FAF1: variants seen among roughly 807,000 people sequenced by gnomAD.
FAF1 encodes FAS-associated factor 1.
A neutral mutation model predicts 92.5 loss-of-function variants in FAF1; 25 were observed. That is an observed-to-expected ratio of 0.27 (90% CI 0.20 to 0.38). The LOEUF is 0.38. Ranked by LOEUF, FAF1 falls within the 10% of genes least tolerant of loss-of-function variation. The pLI is 1.00. For synonymous variants in FAF1, 234 were observed against 273.2 expected (o/e 0.86, Z 1.42); for missense variants, 636 against 793.3 (o/e 0.80, Z 2.38).
At chr1:50,680,831 T>G (rs749334647) in intron 7 of FAF1, among the ~76,000 whole-genome samples, 12 of 152,182 alleles carry the variant, frequency 7.9e-5, no homozygotes, top group Admixed American at 6.5e-5. Context: ...TCGAGAGTTT[T>G]CATCTGTTTC....
Position 50,836,170 on chromosome 1 carries a change from G to GTTTTTTTTTTTTTTTTTTT in FAF1, c.114+21740_114+21758dup, listed in dbSNP as rs36053491. Among the ~76,000 whole-genome samples, 69 of 98,498 alleles carry GTTTTTTTTTTTTTTTTTTT rather than the reference G, an allele frequency of 7.0e-4. 6 individuals carry two copies. The highest frequency in any genetic ancestry group is 7.1e-3 in the Middle Eastern group (1 of 140). 64.6% of individuals were successfully genotyped at this position (98,498 alleles called of 152,430 possible). ...GTGTGTGTTTTTGTTTTTTGTTTCT[G>GTTTTTTTTTTTTTTTTTTT]TTTTTTTTTTTTTTTTTTTAGACAG... On this transcript the variant is annotated intron_variant, in intron 2 of 18. Transcript: ENST00000396153.
At chr1:50,640,784 A>G (rs1289595349) in intron 8 of FAF1, among the ~76,000 whole-genome samples, 5 of 142,006 alleles carry the variant, frequency 3.5e-5, no homozygotes, top group Admixed American at 1.4e-4. Flanking sequence ...ATTCATATCT[A>G]GTCTCTTTTT....
chr1:50,760,877 C>CA (rs1215182165), intron 4 of FAF1, among the ~76,000 whole-genome samples: 2 of 151,846 alleles, frequency 1.3e-5, no homozygotes, highest in African/African-American at 4.8e-5. Flanking sequence ...AAAAACCCTT[C>CA]AAAAAATTAA....
At chr1:50,503,375 CT>C (rs1039908806) in intron 15 of FAF1, among the ~76,000 whole-genome samples, 1 of 152,016 alleles carries the variant, frequency 6.6e-6, no homozygotes, top group East Asian at 1.9e-4. Flanking sequence ...AATCTCAGCA[CT>C]TTGGGAGGCA....
rs201947438 is a variant in FAF1 at position 50,682,008 on chromosome 1, A to AT, written c.657+23777dup. ...ACCACCATGCCTGGCTAATTTTTGT[A>AT]TTTTTTTGTAGAGTCAGGGTCTCAC... On this transcript the variant is annotated intron_variant, in intron 7 of 18. Transcript: ENST00000396153. 3.2e-4 allele frequency among the ~76,000 whole-genome samples: 48 copies of AT among 150,754 alleles called. 2 individuals are homozygous for AT. The East Asian group carries it at 8.7e-3, about 27-fold the overall frequency.
At position 50,535,265 on chromosome 1, in the gene FAF1, C is replaced by T. The variant is rs370467557; in HGVS notation, c.1494+104G>A. ...GGTAAATTTGGAAATGCATCTTCAT[C>T]ATCCTTATTTATCGATCATATCATA... On this transcript the variant is annotated intron_variant, in intron 15 of 18. Coordinates refer to ENST00000396153, the MANE Select transcript of FAF1 (RefSeq NM_007051.3). The T allele has an allele frequency of 9.4e-6, 7 of 747,872 alleles. No homozygotes were observed. The African/African-American group carries it at 1.2e-4, about 13-fold the overall frequency. 46.3% of individuals were successfully genotyped at this position (747,872 alleles called of 1,614,324 possible). A position where few individuals can be genotyped will look rare whatever the true frequency, so the allele number is the denominator to read the frequency against.
chr1:50,696,649 T>G (rs1025407572), intron 7 of FAF1, among the ~76,000 whole-genome samples: 1 of 152,216 alleles, frequency 6.6e-6, no homozygotes, highest in Non-Finnish European at 1.5e-5. Context: ...ACTAAAACTG[T>G]ACTGGCATTT....
At chr1:50,458,977 C>CT (rs369055144) in intron 18 of FAF1, among the ~76,000 whole-genome samples, 2,018 of 138,364 alleles carry the variant, frequency 0.015, 17 homozygotes, top group South Asian at 0.024. Flanking sequence ...TTTTTTTTTT[C>CT]TTTTTTTTTT....
intron 18 of FAF1, among the ~76,000 whole-genome samples, chr1:50,465,007 A>G (rs1646477481): frequency 6.6e-6 from 1 of 152,206 alleles, no homozygotes; most frequent in African/African-American, 2.4e-5. Flanking sequence ...TATTTCTATC[A>G]TCTCATTTTA....
intron 1 of FAF1, among the ~76,000 whole-genome samples, chr1:50,956,292 A>C (rs912460880): frequency 6.6e-5 from 10 of 152,150 alleles, no homozygotes; most frequent in African/African-American, 2.2e-4. Flanking sequence ...TCTGAGCTGT[A>C]ATCTTCCACC....
intron 6 of FAF1, among the ~76,000 whole-genome samples, chr1:50,713,253 A>ATGAAACAGTTAG (rs545270205): frequency 1.4e-5 from 1 of 70,480 alleles, no homozygotes; most frequent in Non-Finnish European, 2.9e-5. Context: ...GAAACAGTTA[A>ATGAAACAGTTAG]AAAAAAAAAA....
chr1:50,779,183 A>G (rs897561640), intron 4 of FAF1, among the ~76,000 whole-genome samples: 1 of 152,104 alleles, frequency 6.6e-6, no homozygotes, highest in Non-Finnish European at 1.5e-5. Flanking sequence ...TTCTTTTGCT[A>G]TTTCTACCAG....
intron 7 of FAF1, among the ~76,000 whole-genome samples, chr1:50,657,210 TC>T (rs1344252059): frequency 1.3e-5 from 2 of 149,922 alleles, no homozygotes; most frequent in Non-Finnish European, 3.0e-5. Context: ...AGACCCTGTC[TC>T]AAAAAAAAGA....
At chr1:50,947,987 C>T (rs1427502868) in intron 1 of FAF1, among the ~76,000 whole-genome samples, 2 of 151,960 alleles carry the variant, frequency 1.3e-5, no homozygotes, top group Non-Finnish European at 1.5e-5. Flanking sequence ...AGTTGTTTCC[C>T]CAACAGAGCT....
chr1:50,734,742 A>G (rs957410647), intron 6 of FAF1, among the ~76,000 whole-genome samples: 1 of 152,036 alleles, frequency 6.6e-6, no homozygotes, highest in African/African-American at 2.4e-5. Flanking sequence ...TCAAAAAAAA[A>G]AAAAAAGAAA....
rs566650647 is a variant in FAF1 at position 50,840,491 on chromosome 1, G to A, written c.114+17438C>T. ...AAAATAGATGGCCAATAAGAACACA[G>A]GAAGATTTATAAGGAATCTTTCTGT... On this transcript the variant is annotated intron_variant, in intron 2 of 18. Coordinates refer to ENST00000396153, the MANE Select transcript of FAF1 (RefSeq NM_007051.3). 7.6e-4 allele frequency among the ~76,000 whole-genome samples: 115 copies of A among 151,992 alleles called. 1 individual carries two copies. Among genetic ancestry groups the A allele is most frequent in the African/African-American group, 2.7e-3 (111 of 41,510 alleles).
chr1:50,907,468 C>T (rs1024204157), intron 1 of FAF1, among the ~76,000 whole-genome samples: 5 of 152,134 alleles, frequency 3.3e-5, no homozygotes, highest in Admixed American at 3.3e-4. Flanking sequence ...CCAGCTCCTC[C>T]TTGTACCTCT....
At chr1:50,898,093 T>C (rs1352602594) in intron 1 of FAF1, among the ~76,000 whole-genome samples, 2 of 152,216 alleles carry the variant, frequency 1.3e-5, no homozygotes, top group Non-Finnish European at 2.9e-5. Context: ...AGTTGTTTGC[T>C]ACACAGCAAC....
In FAF1 at chr1:50,729,034, C is replaced by CTATA. The variant is rs1553132882; in HGVS notation, c.551+9825_551+9828dup. ...TCTATCTATCTATCTATCTATCTAT[C>CTATA]TATATATATATATATATATATATAT... On this transcript the variant is annotated intron_variant, in intron 6 of 18. Transcript: ENST00000396153. Among the ~76,000 whole-genome samples the CTATA allele has an allele frequency of 2.2e-3, 195 of 88,022 alleles. 4 individuals are homozygous for CTATA. Among genetic ancestry groups the CTATA allele is most frequent in the East Asian group, 5.6e-3 (17 of 3,048 alleles). The allele number at this position is 88,022 out of a possible 152,430, so 57.7% of individuals were successfully genotyped here. A position where few individuals can be genotyped will look rare whatever the true frequency, so the allele number is the denominator to read the frequency against.
Sources: gnomAD v4.1 joint callset for allele counts (sites outside exome capture counted in the v4.1 genomes callset) on GRCh38, gnomAD v4.1.1 for gene constraint, MANE v1.5 for transcripts, NCBI Gene and HGNC (gene_info 2026-07-23, HGNC 2026-07-21) for gene names.